The following TBC1D22A variants were observed in gnomAD, a reference collection of about 807,000 sequenced individuals.
TBC1D22A encodes TBC1 domain family member 22A, also known as putative GTPase activator.
TBC1D22A carries 38 observed loss-of-function variants against 60.2 expected under a neutral mutation model. The ratio of observed to expected loss-of-function variants is 0.63; its 90% confidence interval spans 0.49 to 0.83. TBC1D22A has a LOEUF of 0.83. Among genes scored for constraint, TBC1D22A ranks in the 40% least tolerant of loss-of-function variants. The pLI, the probability that TBC1D22A is intolerant of heterozygous loss-of-function variation, is 0.00. For missense variants in TBC1D22A, 628 were observed against 701.0 expected (o/e 0.90, Z 1.18); for synonymous variants, 302 against 281.7 (o/e 1.07, Z -0.72).
intron 6 of TBC1D22A, among the ~76,000 whole-genome samples, chr22:46,892,364 C>A (rs940799568): frequency 2.9e-4 from 44 of 151,840 alleles, no homozygotes; most frequent in Admixed American, 5.2e-4. Flanking sequence ...AAGTTAAATG[C>A]CTTCCTGGAC....
At chr22:47,160,849 C>A (rs183066888) in intron 12 of TBC1D22A, among the ~76,000 whole-genome samples, 2 of 152,256 alleles carry the variant, frequency 1.3e-5, no homozygotes, top group East Asian at 3.9e-4. Flanking sequence ...TGCCCTCCCC[C>A]CAGCTACCCT....
chr22:46,852,726 G>A (rs1334488995), intron 4 of TBC1D22A, among the ~76,000 whole-genome samples: 1 of 152,086 alleles, frequency 6.6e-6, no homozygotes, highest in African/African-American at 2.4e-5. Flanking sequence ...CTGTCTCTCT[G>A]CTCCTGCTTG....
At chr22:46,847,923 GTGT>G (rs2087083805) in intron 4 of TBC1D22A, among the ~76,000 whole-genome samples, 1 of 71,182 alleles carries the variant, frequency 1.4e-5, no homozygotes, top group Non-Finnish European at 3.2e-5. Context: ...TAGTGGGTGT[GTGT>G]GTGTGTGTGT....
chr22:46,901,994 T>C (rs1007052265), intron 7 of TBC1D22A, among the ~76,000 whole-genome samples: 1 of 152,214 alleles, frequency 6.6e-6, no homozygotes, highest in Non-Finnish European at 1.5e-5. Flanking sequence ...TAGTTCCTTT[T>C]TAGTTATGCA....
chr22:47,043,256 C>T (rs2062909942), intron 11 of TBC1D22A, among the ~76,000 whole-genome samples: 1 of 152,164 alleles, frequency 6.6e-6, no homozygotes, highest in Non-Finnish European at 1.5e-5. Flanking sequence ...CATGATGGGG[C>T]CCCAGGTTCT....
chr22:47,076,369 A>ATATATATATATATGTGTG (rs1434721812), intron 11 of TBC1D22A, among the ~76,000 whole-genome samples: 11 of 104,414 alleles, frequency 1.1e-4, no homozygotes, highest in African/African-American at 4.6e-4. Flanking sequence ...GTGTATATAT[A>ATATATATATATATGTGTG]TATATATATA....
chr22:46,800,242 G>C (rs2084837610), intron 4 of TBC1D22A, among the ~76,000 whole-genome samples: 1 of 152,114 alleles, frequency 6.6e-6, no homozygotes, highest in Non-Finnish European at 1.5e-5. Flanking sequence ...ACCTCCTTCT[G>C]TGATGGTGAC....
At chr22:46,801,728 C>G (rs141593004) in intron 4 of TBC1D22A, among the ~76,000 whole-genome samples, 439 of 152,276 alleles carry the variant, frequency 2.9e-3, no homozygotes, top group African/African-American at 0.01. Context: ...TCAAGGCTTT[C>G]GAACGGTAGG....
chr22:46,797,435 C>A lies in TBC1D22A; in HGVS notation c.461-9C>A, dbSNP rs773721920. 1 of 1,612,390 alleles carries A rather than the reference C, an allele frequency of 6.2e-7. No homozygotes were observed. The highest frequency in any genetic ancestry group is 1.1e-5 in the South Asian group (1 of 90,958). ...CCTCACCCTCACCCCCATTCTCTCA[C>A]CCCTGCAGAAAGTGCCAGCGATGCC... On this transcript the variant is annotated splice_polypyrimidine_tract_variant and intron_variant, in intron 3 of 12. Coordinates refer to ENST00000337137, the MANE Select transcript of TBC1D22A (RefSeq NM_014346.5).
chr22:46,973,020 G>A (rs2074135824), intron 8 of TBC1D22A, among the ~76,000 whole-genome samples: 1 of 152,218 alleles, frequency 6.6e-6, no homozygotes, highest in Admixed American at 6.5e-5. Flanking sequence ...AGGCGCTCTT[G>A]CCCTTTTATC....
chr22:47,079,083 A>AAT (rs2064346169), intron 11 of TBC1D22A, among the ~76,000 whole-genome samples: 1 of 96,820 alleles, frequency 1.0e-5, no homozygotes, highest in South Asian at 3.9e-4. Flanking sequence ...TGTAGAGCAG[A>AAT]CTTTTTTTTT....
intron 10 of TBC1D22A, among the ~76,000 whole-genome samples, chr22:47,019,418 G>A (rs974695384): frequency 2.0e-5 from 3 of 152,238 alleles, no homozygotes; most frequent in Non-Finnish European, 4.4e-5. Context: ...GAGGACAGAC[G>A]GGAGCCGTCA....
intron 12 of TBC1D22A, among the ~76,000 whole-genome samples, chr22:47,166,869 C>G (rs1463858106): frequency 6.6e-6 from 1 of 152,220 alleles, no homozygotes; most frequent in Non-Finnish European, 1.5e-5. Flanking sequence ...TCCAGGTGCT[C>G]TAGCTGCAGT....
At chr22:47,138,281 A>C (rs754306820) in intron 12 of TBC1D22A, among the ~76,000 whole-genome samples, 4 of 152,198 alleles carry the variant, frequency 2.6e-5, no homozygotes, top group Non-Finnish European at 4.4e-5. Context: ...CTAAGGATGC[A>C]CAGACCCCAC....
At chr22:47,119,719 A>G (rs2066203229) in intron 12 of TBC1D22A, among the ~76,000 whole-genome samples, 1 of 151,600 alleles carries the variant, frequency 6.6e-6, no homozygotes, top group Admixed American at 6.6e-5. Context: ...CTGGTCTCGA[A>G]CTCCTGACCT....
chr22:46,864,534 A>T (rs1360688268), intron 4 of TBC1D22A, among the ~76,000 whole-genome samples: 1 of 152,256 alleles, frequency 6.6e-6, no homozygotes, highest in African/African-American at 2.4e-5. Context: ...GCCCTCTGAC[A>T]TTCCGCTTTC....
intron 4 of TBC1D22A, among the ~76,000 whole-genome samples, chr22:46,864,844 A>T (rs2066976870): frequency 6.6e-6 from 1 of 152,094 alleles, no homozygotes. Flanking sequence ...GGCCCATACC[A>T]AGTTCATCCT....
At chr22:47,069,662 A>G (rs2063891590) in intron 11 of TBC1D22A, among the ~76,000 whole-genome samples, 1 of 140,230 alleles carries the variant, frequency 7.1e-6, no homozygotes, top group Admixed American at 7.3e-5. Flanking sequence ...AGCTGACTTG[A>G]CGGTTCCCGG....
At chr22:47,090,843 AGTC>A (rs2064903924) in intron 11 of TBC1D22A, among the ~76,000 whole-genome samples, 1 of 121,488 alleles carries the variant, frequency 8.2e-6, no homozygotes, top group South Asian at 2.8e-4. Flanking sequence ...GGGCACGAGA[AGTC>A]GTCTTTGGGG....
Sources: gnomAD v4.1 joint callset for allele counts (sites outside exome capture counted in the v4.1 genomes callset) on GRCh38, gnomAD v4.1.1 for gene constraint, MANE v1.5 for transcripts, NCBI Gene and HGNC (gene_info 2026-07-23, HGNC 2026-07-21) for gene names.